Variants in STK32C observed in about 807,000 individuals in gnomAD.
STK32C encodes the protein serine/threonine-protein kinase 32C.
In STK32C, 31 loss-of-function variants were observed where a neutral mutation model predicts 56.5. That is an observed-to-expected ratio of 0.55 (90% CI 0.41 to 0.74). The LOEUF is 0.74. Ranked by LOEUF, STK32C falls within the 30% of genes least tolerant of loss-of-function variation. STK32C has a pLI of 0.00. For synonymous variants in STK32C, 309 were observed against 289.4 expected (o/e 1.07, Z -0.69); for missense variants, 544 against 676.9 (o/e 0.80, Z 2.18).
chr10:132,221,221 T>C (rs2035805), intron 10 of STK32C, among the ~76,000 whole-genome samples: 123,371 of 149,262 alleles, frequency 0.83, 50,830 homozygotes, highest in East Asian at 0.96. Flanking sequence ...CACCTGATGC[T>C]GACGCACCTG....
intron 2 of STK32C, among the ~76,000 whole-genome samples, chr10:132,237,972 G>A (rs2063353373): frequency 6.6e-6 from 1 of 152,188 alleles, no homozygotes. Flanking sequence ...TCCCTCCAAA[G>A]CCACTGTGGT....
intron 1 of STK32C, among the ~76,000 whole-genome samples, chr10:132,302,436 T>TGCCCCAAGG (rs1201239669): frequency 2.0e-5 from 3 of 152,172 alleles, no homozygotes; most frequent in Non-Finnish European, 4.4e-5. Context: ...GCTGCACAGC[T>TGCCCCAAGG]GCCCCAAGGG....
intron 1 of STK32C, among the ~76,000 whole-genome samples, chr10:132,300,776 T>C (rs10781569): frequency 0.44 from 67,415 of 152,078 alleles, 16,979 homozygotes; most frequent in African/African-American, 0.68. Flanking sequence ...CTCGCCCCCA[T>C]TGACAGCCAG....
At chr10:132,233,950 G>A (rs935091459) in intron 2 of STK32C, among the ~76,000 whole-genome samples, 4 of 152,236 alleles carry the variant, frequency 2.6e-5, no homozygotes, top group African/African-American at 7.2e-5. Context: ...GGGCTGGGGC[G>A]CCGTCTGAGT....
chr10:132,273,770 A>C (rs1282563836), intron 1 of STK32C, among the ~76,000 whole-genome samples: 2 of 152,162 alleles, frequency 1.3e-5, no homozygotes, highest in Non-Finnish European at 2.9e-5. Context: ...GAGTGAATGA[A>C]CACATGGTAA....
intron 2 of STK32C, among the ~76,000 whole-genome samples, chr10:132,232,691 C>T (rs1178145668): frequency 6.6e-6 from 1 of 151,976 alleles, no homozygotes; most frequent in Non-Finnish European, 1.5e-5. Flanking sequence ...CTCCGGAGCC[C>T]TGGGCTTTTC....
intron 10 of STK32C, among the ~76,000 whole-genome samples, chr10:132,210,818 G>A (rs562052488): frequency 5.3e-5 from 8 of 152,340 alleles, no homozygotes; most frequent in South Asian, 2.1e-4. Context: ...AGTGCCCTCC[G>A]TGTCTCTCCT....
chr10:132,286,484 AAC>A (rs1294468840), intron 1 of STK32C, among the ~76,000 whole-genome samples: 1 of 152,250 alleles, frequency 6.6e-6, no homozygotes, highest in African/African-American at 2.4e-5. Flanking sequence ...CAGGAAAGAA[AAC>A]ACAGGCCAAT....
chr10:132,229,612 A>G (rs2063022914), intron 2 of STK32C, among the ~76,000 whole-genome samples: 1 of 152,220 alleles, frequency 6.6e-6, no homozygotes, highest in Admixed American at 6.5e-5. Context: ...TTTGGAGGCC[A>G]TGATTCTGCC....
intron 1 of STK32C, among the ~76,000 whole-genome samples, chr10:132,300,562 AG>A (rs2065883184): frequency 6.6e-6 from 1 of 152,280 alleles, no homozygotes; most frequent in African/African-American, 2.4e-5. Context: ...CTGATGAAGC[AG>A]GCATACCATA....
At chr10:132,324,237 C>A (rs746341429) in exon 2 of STK32C, 5 of 779,638 alleles carry the variant, frequency 6.4e-6, no homozygotes. Flanking sequence ...CAATTCATTA[C>A]ACACCCCCTC....
chr10:132,317,304 A>G (rs574571282), intron 1 of STK32C, among the ~76,000 whole-genome samples: 8 of 152,358 alleles, frequency 5.3e-5, no homozygotes, highest in Non-Finnish European at 8.8e-5. Flanking sequence ...AACACAGGGG[A>G]AAATCTCTAT....
At chr10:132,293,348 G>A (rs1202242272) in intron 1 of STK32C, among the ~76,000 whole-genome samples, 1 of 152,258 alleles carries the variant, frequency 6.6e-6, no homozygotes, top group Non-Finnish European at 1.5e-5. Flanking sequence ...TCTCAGGCCA[G>A]GGAAGGCAAT....
intron 2 of STK32C, among the ~76,000 whole-genome samples, chr10:132,230,690 G>T (rs1285216606): frequency 2.1e-5 from 3 of 144,112 alleles, no homozygotes; most frequent in African/African-American, 5.1e-5. Context: ...GGGGGGGGGG[G>T]GGCTGCAGAG....
chr10:132,251,364 G>A (rs76261283), intron 1 of STK32C, among the ~76,000 whole-genome samples: 3,768 of 152,294 alleles, frequency 0.025, 146 homozygotes, highest in African/African-American at 0.085. Context: ...CGAGGAAGCC[G>A]GACAGGCTCC....
exon 1 of STK32C, chr10:132,331,789 G>C: frequency 6.2e-7 from 1 of 1,605,474 alleles, no homozygotes; most frequent in Non-Finnish European, 8.5e-7. Flanking sequence ...CCAGACCCTC[G>C]CGGTCTCTAC....
At chr10:132,323,883 G>A (rs1411096515), downstream of STK32C, among the ~76,000 whole-genome samples, 8 of 152,190 alleles carry the variant, frequency 5.3e-5, no homozygotes, top group Non-Finnish European at 8.8e-5. The surrounding 1 kb of genome is among the most constrained non-coding windows in gnomAD (Gnocchi z 4.8). Context: ...ACACAGAAGC[G>A]AAGTGGAAGG....
intron 2 of STK32C, among the ~76,000 whole-genome samples, chr10:132,228,380 G>C (rs2062974059): frequency 6.6e-6 from 1 of 152,202 alleles, no homozygotes; most frequent in Non-Finnish European, 1.5e-5. Context: ...AGAGGTTCCT[G>C]TACTGGTTAG....
At chr10:132,249,301 C>T (rs2063812570) in intron 1 of STK32C, among the ~76,000 whole-genome samples, 1 of 152,264 alleles carries the variant, frequency 6.6e-6, no homozygotes, top group South Asian at 2.1e-4. Flanking sequence ...TTGAACACAA[C>T]TGTCCCTGCT....
Sources: gnomAD v4.1 joint callset for allele counts (sites outside exome capture counted in the v4.1 genomes callset) on GRCh38, gnomAD v4.1.1 for gene constraint, Gnocchi (gnomAD v3.1) non-coding constraint, MANE v1.5 for transcripts, NCBI Gene and HGNC (gene_info 2026-07-23, HGNC 2026-07-21) for gene names.